PLA2G7: variants seen among roughly 807,000 people sequenced by gnomAD.
PLA2G7 encodes the protein phospholipase A2 group VII, also known as platelet-activating factor acetylhydrolase.
In PLA2G7, 63 loss-of-function variants were observed where a neutral mutation model predicts 49.6. The observed-to-expected ratio is 1.27, with a 90% CI of 1.04 to 1.57. The LOEUF is 1.57. Among genes scored for constraint, PLA2G7 ranks in the 40% most tolerant of loss-of-function variants. The pLI is 0.00. For synonymous variants in PLA2G7, 193 were observed against 169.9 expected, an observed-to-expected ratio of 1.14 and a Z score of -1.06; for missense variants, 596 against 521.2, an observed-to-expected ratio of 1.14 and a Z score of -1.40.
At position 46,710,416 on chromosome 6, in the gene PLA2G7, T is replaced by G. The variant is rs1764971544; in HGVS notation, c.777+129A>C. 22 of 694,794 alleles carry G rather than the reference T, an allele frequency of 3.2e-5. No homozygotes were observed. In the South Asian group the frequency reaches 3.3e-4, roughly 10 times the overall value. The allele number at this position is 694,794 out of a possible 1,614,324, so 43.0% of individuals were successfully genotyped here. A position where few individuals can be genotyped will look rare whatever the true frequency, so the allele number is the denominator to read the frequency against. Reference sequence around the variant, plus strand: ...ACCTGTACTGCTTTGTGTGTCTGTGTGTGCGCATTGGGGAGGGGGCTGGTT... The same window carrying G: ...ACCTGTACTGCTTTGTGTGTCTGTGGGTGCGCATTGGGGAGGGGGCTGGTT... On this transcript the variant is annotated intron_variant, in intron 8 of 11. Coordinates refer to ENST00000274793, the MANE Select transcript of PLA2G7 (RefSeq NM_005084.4).
At chr6:46,727,774 T>C (rs1189595611) in intron 1 of PLA2G7, among the ~76,000 whole-genome samples, 3 of 152,082 alleles carry the variant, frequency 2.0e-5, no homozygotes, top group Non-Finnish European at 4.4e-5. Flanking sequence ...GTTTTGAAAA[T>C]GAAGGAAGCG....
At chr6:46,716,614 G>A in intron 3 of PLA2G7, 86 bp from the exon 4 acceptor site, 3 of 1,346,024 alleles carry the variant, frequency 2.2e-6, no homozygotes, top group Non-Finnish European at 3.2e-6. Flanking sequence ...AATTAGTGGG[G>A]ACTCAAATAC....
chr6:46,709,899 T>C (rs1330225562), intron 8 of PLA2G7, among the ~76,000 whole-genome samples: 1 of 152,078 alleles, frequency 6.6e-6, no homozygotes, highest in Non-Finnish European at 1.5e-5. Flanking sequence ...GCGAGCCCAG[T>C]CCAGAAGTGG....
Position 46,722,654 on chromosome 6 carries a change from A to T in PLA2G7, c.109+129T>A, listed in dbSNP as rs45532135. The T allele has an allele frequency of 6.1e-4, 424 of 692,852 alleles. No individual in the cohort carries two copies. In the African/African-American group the frequency reaches 6.7e-3, roughly 11 times the overall value. The allele number at this position is 692,852 out of a possible 1,614,324, so 42.9% of individuals were successfully genotyped here. A position where few individuals can be genotyped will look rare whatever the true frequency, so the allele number is the denominator to read the frequency against. On this transcript the variant is annotated intron_variant, in intron 2 of 11. Coordinates refer to ENST00000274793, the MANE Select transcript of PLA2G7 (RefSeq NM_005084.4). ...GTGAGAACCTCTCCCCTACTCCAGG[A>T]GAATACAGGATCTCCATAAGCCTTT... is the stretch of plus-strand genomic sequence containing the variant.
chr6:46,710,285 G>A (rs911918059), intron 8 of PLA2G7, among the ~76,000 whole-genome samples: 8 of 152,286 alleles, frequency 5.3e-5, no homozygotes, highest in South Asian at 2.1e-4. Flanking sequence ...CACAGGAGTT[G>A]AGTTGAACCA....
At chr6:46,730,499 A>T (rs769709368) in intron 1 of PLA2G7, among the ~76,000 whole-genome samples, 14 of 152,228 alleles carry the variant, frequency 9.2e-5, no homozygotes, top group Non-Finnish European at 1.8e-4. Flanking sequence ...TACAAGGGCC[A>T]GACAGGTAAT....
intron 1 of PLA2G7, among the ~76,000 whole-genome samples, chr6:46,724,713 T>C (rs45468596): frequency 6.6e-6 from 1 of 152,288 alleles, no homozygotes; most frequent in African/African-American, 2.4e-5. Context: ...TGTAGTGCAG[T>C]CTTGAAGTGA....
Position 46,705,213 on chromosome 6 carries a change from A to T in PLA2G7, c.1129T>A (p.Ser377Thr). ...HMLKLKGDID[S>T]NVAIDLSNKA... ...TTGCTAAGATCAATAGCTACATTTGAATCTATGTCTCCCTTTAATTTGAGC... is the reference window on the plus strand; with the variant it reads ...TTGCTAAGATCAATAGCTACATTTGTATCTATGTCTCCCTTTAATTTGAGC... The change falls in exon 11 of 12, where the codon TCA becomes ACA. Residue 377 changes from serine (S) to threonine (T), a missense_variant. Ser to Thr is a moderately conservative substitution (Grantham distance 58). Coordinates refer to ENST00000274793, the MANE Select transcript of PLA2G7 (RefSeq NM_005084.4). 6.2e-7 allele frequency: 1 copy of T among 1,606,988 alleles called. No individual in the cohort carries two copies.
Position 46,704,569 on chromosome 6 carries a change from T to A in PLA2G7, c.1317A>T (p.Lys439Asn). ...AAAACCTATTTTAATCCTAATTGTATTTCTCTATTCCTGAAGAGTTCTGTA... is the reference window on the plus strand; with the variant it reads ...AAAACCTATTTTAATCCTAATTGTAATTCTCTATTCCTGAAGAGTTCTGTA... ...IMLQNSSGIE[K>N]YN The change falls in exon 12 of 12, where the codon AAA (lysine) becomes AAT (asparagine). Residue 439 changes from lysine to asparagine, a missense_variant. By Grantham distance (94) the Lys-to-Asn change is moderately conservative. Coordinates refer to ENST00000274793, the MANE Select transcript of PLA2G7 (RefSeq NM_005084.4). The A allele has an allele frequency of 6.3e-7, 1 of 1,588,872 alleles. No homozygotes were observed. The highest frequency in any genetic ancestry group is 8.6e-7 in the Non-Finnish European group (1 of 1,157,226).
intron 1 of PLA2G7, among the ~76,000 whole-genome samples, chr6:46,734,401 G>GGT (rs371692865): frequency 0.093 from 7,005 of 75,302 alleles, 1,692 homozygotes; most frequent in South Asian, 0.14. Flanking sequence ...GGTGTGTAGT[G>GGT]GTGTGTGTGT....
At chr6:46,725,787 A>G (rs1474343596) in intron 1 of PLA2G7, among the ~76,000 whole-genome samples, 1 of 152,186 alleles carries the variant, frequency 6.6e-6, no homozygotes, top group East Asian at 1.9e-4. Context: ...TTTTTTCCAG[A>G]GGCATTTCTA....
chr6:46,705,364 G>T, intron 10 of PLA2G7, 63 bp from the exon 11 acceptor site: 2 of 1,379,358 alleles, frequency 1.4e-6, no homozygotes, highest in South Asian at 2.4e-5. Context: ...TTTTTAGTTA[G>T]AGTGTAAGAA....
In PLA2G7 at chr6:46,711,586, C is replaced by G. The variant is rs45454695; in HGVS notation, c.573G>C (p.Lys191Asn). The G allele has an allele frequency of 5.8e-4, 929 of 1,613,610 alleles. 3 individuals are homozygous for G. The African/African-American group carries it at 0.011, about 18-fold the overall frequency. The change falls in exon 7 of 12, where the codon AAG becomes AAC. Residue 191 changes from lysine to asparagine, a missense_variant. Coordinates refer to ENST00000274793, the MANE Select transcript of PLA2G7 (RefSeq NM_005084.4). ...CCCCTATTTCTGCAGCAGATTGGTC[C>G]TTGAAATAGTAAGTTGCAGATGCAG... is the stretch of plus-strand genomic sequence containing the variant. ...DRSASATYYF[K>N]DQSAAEIGDK...
chr6:46,725,444 A>C (rs149158218), intron 1 of PLA2G7, among the ~76,000 whole-genome samples: 55 of 151,934 alleles, frequency 3.6e-4, no homozygotes, highest in East Asian at 2.1e-3. Context: ...GTTGGCCAGG[A>C]TGGTCTTGAT....
chr6:46,720,124 G>A (rs538673156), intron 2 of PLA2G7, among the ~76,000 whole-genome samples: 4 of 152,260 alleles, frequency 2.6e-5, no homozygotes, highest in Non-Finnish European at 5.9e-5. Context: ...CCCACCCCTA[G>A]GCAGGCATGG....
rs1765546637 is a variant in PLA2G7, at chr6:46,725,615, A to C, written c.-34-2690T>G. On this transcript the variant is annotated intron_variant, in intron 1 of 11. Transcript: ENST00000274793. ...TCAGAAAAAAAAGGTATATATGTGC[A>C]ACTCTTTAAGATTATTTATAATTTT... Among the ~76,000 whole-genome samples the C allele has an allele frequency of 5.3e-5, 8 of 152,300 alleles. No individual in the cohort carries two copies. The South Asian group carries it at 1.7e-3, about 32-fold the overall frequency.
chr6:46,725,790 C>T (rs187863894), intron 1 of PLA2G7, among the ~76,000 whole-genome samples: 3 of 152,240 alleles, frequency 2.0e-5, no homozygotes, highest in East Asian at 1.9e-4. Context: ...TTTCCAGAGG[C>T]ATTTCTAGGC....
At chr6:46,729,735 G>A (rs1765677257) in intron 1 of PLA2G7, among the ~76,000 whole-genome samples, 1 of 152,158 alleles carries the variant, frequency 6.6e-6, no homozygotes. Context: ...ATTGCAGGGT[G>A]TTTAGCAACA....
Position 46,704,464 on chromosome 6 carries a change from TCTCTCTCTCTCTCTCACACACACACA to T in PLA2G7, c.*70_*95del. The T allele has an allele frequency of 1.7e-6, 1 of 600,562 alleles. No individual in the cohort carries two copies. Among genetic ancestry groups the T allele is most frequent in the Non-Finnish European group, 2.9e-6 (1 of 349,900 alleles). The allele number at this position is 600,562 out of a possible 1,614,324, so 37.2% of individuals were successfully genotyped here. ...AATTCTCTCTCTCTCTCTCTCTCTC[TCTCTCTCTCTCTCTCACACACACACA>T]CACACACACACACACACACATAATT... On this transcript the variant is annotated 3_prime_UTR_variant, in exon 12 of 12. Coordinates refer to ENST00000274793, the MANE Select transcript of PLA2G7 (RefSeq NM_005084.4).
Sources: gnomAD v4.1 joint callset for allele counts (sites outside exome capture counted in the v4.1 genomes callset) on GRCh38, gnomAD v4.1.1 for gene constraint, MANE v1.5 for transcripts, NCBI Gene and HGNC (gene_info 2026-07-23, HGNC 2026-07-21) for gene names.